Variants in BMP8A observed in about 807,000 individuals in gnomAD.
BMP8A encodes the protein BMP-8A.
Under a neutral mutation model 36.8 loss-of-function variants are expected in BMP8A, and 14 were observed. That is an observed-to-expected ratio of 0.38 (90% CI 0.25 to 0.60). BMP8A has a LOEUF of 0.60. Among genes scored for constraint, BMP8A ranks in the 20% least tolerant of loss-of-function variants. BMP8A has a pLI of 0.63. For synonymous variants in BMP8A, 120 were observed against 237.7 expected (o/e 0.50, Z 4.55); for missense variants, 267 against 551.1 (o/e 0.48, Z 5.16).
chr1:39,491,826 G>T lies in BMP8A; in HGVS notation c.-166G>T, dbSNP rs1645160170. On this transcript the variant is annotated 5_prime_UTR_variant, in exon 1 of 7. Transcript: ENST00000331593. The stretch of plus-strand genomic sequence containing the variant: ...TCCGCTTGTCCCGGAGCCGGGGCAG[G>T]TGCGCGCGGGGGGCGCTCCAGGGAC... 1 of 481,056 alleles carries T rather than the reference G, an allele frequency of 2.1e-6. No homozygotes were observed. Among genetic ancestry groups the T allele is most frequent in the East Asian group, 1.3e-4 (1 of 7,798 alleles). 29.8% of individuals were successfully genotyped at this position (481,056 alleles called of 1,614,324 possible). A position where few individuals can be genotyped will look rare whatever the true frequency, so the allele number is the denominator to read the frequency against.
Position 39,508,067 on chromosome 1 carries a change from C to T in BMP8A, c.335-3107C>T, listed in dbSNP as rs181400116. ...GAGATCGAGACCATCCTGGCTAACACGGTGAAACCCTGTCTCTACTAAAAA... is the reference window on the plus strand; with the variant it reads ...GAGATCGAGACCATCCTGGCTAACATGGTGAAACCCTGTCTCTACTAAAAA... On this transcript the variant is annotated intron_variant, in intron 1 of 6. Transcript: ENST00000331593. 3.2e-3 allele frequency among the ~76,000 whole-genome samples: 481 copies of T among 152,204 alleles called. 2 individuals carry two copies. Among genetic ancestry groups the T allele is most frequent in the Admixed American group, 9.7e-3 (148 of 15,276 alleles).
chr1:39,496,458 G>A (rs1029663387), intron 1 of BMP8A, among the ~76,000 whole-genome samples: 1 of 151,486 alleles, frequency 6.6e-6, no homozygotes, highest in African/African-American at 2.4e-5. Flanking sequence ...GCCAACACCT[G>A]ATCTCAGTGT....
chr1:39,525,538 T>A, intron 6 of BMP8A, 111 bp from the exon 7 acceptor site: 1 of 1,376,802 alleles, frequency 7.3e-7, no homozygotes. Context: ...TGCTCCCATG[T>A]GGCTTGGAGA....
Position 39,491,840 on chromosome 1 carries a change from C to A in BMP8A, c.-152C>A. 1.6e-6 allele frequency: 1 copy of A among 611,310 alleles called. No individual in the cohort carries two copies. The highest frequency in any genetic ancestry group is 2.1e-6 in the Non-Finnish European group (1 of 480,292). The allele number at this position is 611,310 out of a possible 1,614,324, so 37.9% of individuals were successfully genotyped here. Reference sequence around the variant, plus strand: ...AGCCGGGGCAGGTGCGCGCGGGGGGCGCTCCAGGGACCGCGCTGAGGCCGC... The same window carrying A: ...AGCCGGGGCAGGTGCGCGCGGGGGGAGCTCCAGGGACCGCGCTGAGGCCGC... On this transcript the variant is annotated 5_prime_UTR_variant, in exon 1 of 7. Coordinates refer to ENST00000331593, the MANE Select transcript of BMP8A (RefSeq NM_181809.4).
chr1:39,522,846 T>A (rs2002621), intron 5 of BMP8A, among the ~76,000 whole-genome samples, 161 bp from the exon 6 acceptor site: 345 of 146,882 alleles, frequency 2.3e-3, no homozygotes, highest in Non-Finnish European at 3.3e-3. Flanking sequence ...AAGATGGGGG[T>A]TGTTGGGCCT....
At chr1:39,508,319 G>A (rs966456306) in intron 1 of BMP8A, among the ~76,000 whole-genome samples, 1 of 152,106 alleles carries the variant, frequency 6.6e-6, no homozygotes, top group Non-Finnish European at 1.5e-5. Context: ...TGGCTGCTGA[G>A]TTTCAGACGT....
intron 6 of BMP8A, chr1:39,523,429 G>A (rs1645450321): frequency 6.9e-6 from 8 of 1,166,164 alleles, no homozygotes; most frequent in Non-Finnish European, 9.3e-6. Context: ...CAGAGGCACA[G>A]CACATGAAAC....
intron 6 of BMP8A, chr1:39,523,418 T>A (rs1645450227): frequency 9.2e-7 from 1 of 1,091,300 alleles, no homozygotes; most frequent in Non-Finnish European, 1.3e-6. Flanking sequence ...CGTGCGGCGC[T>A]CAGAGGCACA....
intron 1 of BMP8A, among the ~76,000 whole-genome samples, chr1:39,509,231 C>T (rs1570295193): frequency 6.6e-6 from 1 of 152,210 alleles, no homozygotes; most frequent in Non-Finnish European, 1.5e-5. Context: ...CCATCACTGT[C>T]GCATGCCCTG....
intron 1 of BMP8A, among the ~76,000 whole-genome samples, chr1:39,500,162 A>G (rs1246120296): frequency 6.6e-6 from 1 of 152,186 alleles, no homozygotes; most frequent in East Asian, 1.9e-4. Flanking sequence ...CTTTGTATCC[A>G]CTGTTCCCTC....
intron 1 of BMP8A, among the ~76,000 whole-genome samples, chr1:39,499,226 A>T (rs1019215655): frequency 7.9e-5 from 12 of 152,096 alleles, no homozygotes; most frequent in African/African-American, 2.4e-4. Context: ...ACTGAGAGGG[A>T]CGGGGCCACC....
At chr1:39,503,252 C>G (rs1285027108) in intron 1 of BMP8A, among the ~76,000 whole-genome samples, 1 of 152,104 alleles carries the variant, frequency 6.6e-6, no homozygotes, top group Non-Finnish European at 1.5e-5. Context: ...ACTGTAGTCC[C>G]AGCTACTTGA....
rs994543346 is a variant in BMP8A at position 39,492,111 on chromosome 1, G to C, written c.120G>C (p.Glu40Asp). 7 of 1,190,970 alleles carry C rather than the reference G, an allele frequency of 5.9e-6. No individual in the cohort carries two copies. Among genetic ancestry groups the C allele is most frequent in the African/African-American group, 1.6e-5 (1 of 61,952 alleles). The allele number at this position is 1,190,970 out of a possible 1,614,324, so 73.8% of individuals were successfully genotyped here. A position where few individuals can be genotyped will look rare whatever the true frequency, so the allele number is the denominator to read the frequency against. The change falls in exon 1 of 7, where the codon GAG becomes GAC. Residue 40 changes from glutamate (E) to aspartate (D), a missense_variant. By Grantham distance (45) the Glu-to-Asp change is conservative. Coordinates refer to ENST00000331593, the MANE Select transcript of BMP8A (RefSeq NM_181809.4). The part of the protein sequence containing the change: ...GCPQRRLGAR[E>D]RRDVQREILA... The stretch of plus-strand genomic sequence containing the variant: ...CCCAGCGACGTCTGGGCGCGCGCGA[G>C]CGCCGGGACGTGCAGCGCGAGATCC...
In BMP8A at chr1:39,529,177, C is replaced by T. The variant is rs990507080; in HGVS notation, c.*3379C>T. ...TGCCTGCGCAGACCTGTGGAATAAA[C>T]AGCAATTCTGAGCAGGCTCATTTTA... On this transcript the variant is annotated 3_prime_UTR_variant, in exon 7 of 7. Transcript: ENST00000331593. 6.6e-5 allele frequency: 10 copies of T among 152,258 alleles called. No homozygotes were observed. The highest frequency in any genetic ancestry group is 1.9e-4 in the African/African-American group (8 of 41,462). The allele number at this position is 152,258 out of a possible 1,614,324, so 9.4% of individuals were successfully genotyped here.
In BMP8A at chr1:39,528,943, G is replaced by GAACTCCTGAGCA. The variant is rs1645509357; in HGVS notation, c.*3156_*3157insAAACTCCTGAGC. 1 of 152,144 alleles carries GAACTCCTGAGCA rather than the reference G, an allele frequency of 6.6e-6. No individual in the cohort carries two copies. The highest frequency in any genetic ancestry group is 1.5e-5 in the Non-Finnish European group (1 of 68,062). 9.4% of individuals were successfully genotyped at this position (152,144 alleles called of 1,614,324 possible). A position where few individuals can be genotyped will look rare whatever the true frequency, so the allele number is the denominator to read the frequency against. On this transcript the variant is annotated 3_prime_UTR_variant, in exon 7 of 7. Transcript: ENST00000331593. ...CTTAAACTTTGCCCAGGCCAGTCTT[G>GAACTCCTGAGCA]AACTCCTGAGCTCAAGCAATCCTCC... is the stretch of plus-strand genomic sequence containing the variant.
At chr1:39,506,353 C>T (rs1347558981) in intron 1 of BMP8A, among the ~76,000 whole-genome samples, 2 of 152,030 alleles carry the variant, frequency 1.3e-5, no homozygotes. Flanking sequence ...GGATTACAGG[C>T]ACCTACCACC....
chr1:39,529,555 T>G lies in BMP8A; in HGVS notation c.*3757T>G, dbSNP rs1355662316. Among the ~76,000 whole-genome samples the G allele has an allele frequency of 6.6e-6, 1 of 152,214 alleles. No individual in the cohort carries two copies. The highest frequency in any genetic ancestry group is 1.5e-5 in the Non-Finnish European group (1 of 68,042). On this transcript the variant is annotated 3_prime_UTR_variant, in exon 7 of 7. Transcript: ENST00000331593. The stretch of plus-strand genomic sequence containing the variant: ...TACTGAAAAGTCTTGAGCAAACAGT[T>G]GCCGCTCTCCACCCCCTGCTTTTTA...
Position 39,528,156 on chromosome 1 carries a change from C to A in BMP8A, c.*2358C>A, listed in dbSNP as rs1207644623. ...ATGCCCATCAGGTGTGCACAGCAGGCCTGAGGATCATGATGAGACTCCCTT... is the reference window on the plus strand; with the variant it reads ...ATGCCCATCAGGTGTGCACAGCAGGACTGAGGATCATGATGAGACTCCCTT... On this transcript the variant is annotated 3_prime_UTR_variant, in exon 7 of 7. Coordinates refer to ENST00000331593, the MANE Select transcript of BMP8A (RefSeq NM_181809.4). Among the ~76,000 whole-genome samples, 1 of 152,168 alleles carries A rather than the reference C, an allele frequency of 6.6e-6. No homozygotes were observed. Among genetic ancestry groups the A allele is most frequent in the Non-Finnish European group, 1.5e-5 (1 of 68,038 alleles).
At chr1:39,498,457 G>A (rs1236562035) in intron 1 of BMP8A, among the ~76,000 whole-genome samples, 1 of 152,228 alleles carries the variant, frequency 6.6e-6, no homozygotes, top group Admixed American at 6.5e-5. Flanking sequence ...ATGTGTGGGT[G>A]TTCTCTTTTA....
Sources: gnomAD v4.1 joint callset for allele counts (sites outside exome capture counted in the v4.1 genomes callset) on GRCh38, gnomAD v4.1.1 for gene constraint, MANE v1.5 for transcripts, NCBI Gene and HGNC (gene_info 2026-07-23, HGNC 2026-07-21) for gene names.